The following CHN1 variants were observed in gnomAD, a reference collection of about 807,000 sequenced individuals.
CHN1 encodes the protein chimerin 1.
A neutral mutation model predicts 59.5 loss-of-function variants in CHN1; 37 were observed. The ratio of observed to expected loss-of-function variants is 0.62; its 90% CI spans 0.48 to 0.82. The LOEUF is 0.82. Ranked by LOEUF, CHN1 falls within the 40% of genes least tolerant of loss-of-function variation. CHN1 has a pLI of 0.00. For synonymous variants in CHN1, 206 were observed against 200.4 expected (o/e 1.03, Z -0.24); for missense variants, 469 against 571.0 (o/e 0.82, Z 1.82).
intron 5 of CHN1, among the ~76,000 whole-genome samples, chr2:174,896,995 G>A (rs1009743466): frequency 5.3e-5 from 8 of 152,076 alleles, no homozygotes; most frequent in East Asian, 1.9e-4. Context: ...ATGTGAAAGA[G>A]CACAGAGAGG....
At chr2:175,004,157 G>C (rs1234644719) in intron 1 of CHN1, among the ~76,000 whole-genome samples, 2 of 152,172 alleles carry the variant, frequency 1.3e-5, no homozygotes, top group Non-Finnish European at 2.9e-5. Flanking sequence ...TAAAAGGAAA[G>C]AATGTATCTT....
At chr2:174,832,962 T>G (rs1322552899) in intron 7 of CHN1, among the ~76,000 whole-genome samples, 1 of 152,110 alleles carries the variant, frequency 6.6e-6, no homozygotes, top group Non-Finnish European at 1.5e-5. Flanking sequence ...GGTATTATAC[T>G]CTTATGGGAC....
intron 3 of CHN1, among the ~76,000 whole-genome samples, chr2:174,930,954 G>C (rs1174488032): frequency 6.6e-6 from 1 of 151,984 alleles, no homozygotes; most frequent in African/African-American, 2.4e-5. Flanking sequence ...ATTTTCAGTA[G>C]AGACAGGGTT....
intron 1 of CHN1, among the ~76,000 whole-genome samples, chr2:174,988,591 G>A (rs1374230665): frequency 3.9e-5 from 6 of 152,132 alleles, no homozygotes; most frequent in Non-Finnish European, 7.4e-5. Context: ...CAATATGACA[G>A]ATAATATTCT....
chr2:174,986,532 A>T (rs768256236), intron 1 of CHN1, among the ~76,000 whole-genome samples: 1 of 152,182 alleles, frequency 6.6e-6, no homozygotes, highest in East Asian at 1.9e-4. Context: ...TAGACTTTAG[A>T]AATACAGCCG....
intron 1 of CHN1, among the ~76,000 whole-genome samples, chr2:175,003,944 C>T (rs879784689): frequency 1.3e-5 from 2 of 152,212 alleles, no homozygotes; most frequent in Admixed American, 6.5e-5. Context: ...GTATGTAACA[C>T]CTCTAACGTG....
intron 3 of CHN1, among the ~76,000 whole-genome samples, chr2:174,929,275 T>C (rs1288590801): frequency 1.3e-5 from 2 of 152,162 alleles, no homozygotes; most frequent in Non-Finnish European, 2.9e-5. Context: ...ACCCTATAAA[T>C]ACTACTTAAT....
intron 3 of CHN1, 84 bp downstream of exon 3, chr2:174,944,800 CACAA>C (rs1689777225): frequency 4.6e-6 from 4 of 873,406 alleles, no homozygotes; most frequent in Non-Finnish European, 7.2e-6. Flanking sequence ...TGGTTAATCT[CACAA>C]ACAACCAAGC....
intron 1 of CHN1, among the ~76,000 whole-genome samples, chr2:175,002,030 A>G (rs1290333705): frequency 6.6e-6 from 1 of 152,232 alleles, no homozygotes; most frequent in African/African-American, 2.4e-5. Context: ...TTAGTGAATT[A>G]GGTGCATTCG....
At chr2:174,848,923 T>C (rs965367614) in intron 6 of CHN1, among the ~76,000 whole-genome samples, 19 of 152,186 alleles carry the variant, frequency 1.2e-4, no homozygotes, top group Non-Finnish European at 2.6e-4. Flanking sequence ...AAATTGCTTT[T>C]CAGATTGGAC....
At chr2:174,924,784 G>C (rs995958090) in intron 3 of CHN1, among the ~76,000 whole-genome samples, 6 of 152,092 alleles carry the variant, frequency 3.9e-5, no homozygotes, top group Admixed American at 1.3e-4. Context: ...AGTGTTACAT[G>C]CTATAGGAAA....
chr2:174,992,578 G>C (rs1691576877), intron 1 of CHN1, among the ~76,000 whole-genome samples: 1 of 152,210 alleles, frequency 6.6e-6, no homozygotes, highest in South Asian at 2.1e-4. Context: ...ACTGGATACT[G>C]GCTCCTAATG....
chr2:174,948,186 T>C (rs1035629346), intron 2 of CHN1, among the ~76,000 whole-genome samples: 4 of 152,146 alleles, frequency 2.6e-5, no homozygotes, highest in African/African-American at 4.8e-5. Context: ...TACATTTGAG[T>C]AGGTTTTTAA....
intron 3 of CHN1, among the ~76,000 whole-genome samples, chr2:174,929,673 T>C (rs1351466516): frequency 6.6e-6 from 1 of 152,212 alleles, no homozygotes. Flanking sequence ...AAAATCAGAC[T>C]GCATTGGAAA....
chr2:174,962,100 C>G (rs1441724093), intron 1 of CHN1, among the ~76,000 whole-genome samples: 2 of 152,068 alleles, frequency 1.3e-5, no homozygotes, highest in Non-Finnish European at 2.9e-5. Context: ...GCCTGACCAA[C>G]ATGGTGAAAC....
chr2:174,904,120 G>T (rs191141037), intron 5 of CHN1, among the ~76,000 whole-genome samples: 6,260 of 151,716 alleles, frequency 0.041, 459 homozygotes, highest in African/African-American at 0.14. Context: ...AAAATTAGCT[G>T]GGCATGGTGG....
intron 3 of CHN1, among the ~76,000 whole-genome samples, chr2:174,939,553 C>T (rs1258086941): frequency 6.6e-6 from 1 of 152,098 alleles, no homozygotes; most frequent in African/African-American, 2.4e-5. Context: ...AATAATATAG[C>T]TATTTTTCAA....
intron 1 of CHN1, among the ~76,000 whole-genome samples, chr2:174,968,872 G>A (rs1046402343): frequency 2.0e-5 from 3 of 152,212 alleles, no homozygotes; most frequent in Non-Finnish European, 2.9e-5. Context: ...TGACCTGAAC[G>A]TCAAAGTAAT....
At position 174,843,190 on chromosome 2, in the gene CHN1, T is replaced by C. The variant is rs200422992; in HGVS notation, c.627+3690A>G. Among the ~76,000 whole-genome samples, 20 of 152,296 alleles carry C rather than the reference T, an allele frequency of 1.3e-4. No homozygotes were observed. In the East Asian group the frequency reaches 3.3e-3, roughly 25 times the overall value. Reference sequence around the variant, plus strand: ...AAAGAGTAAAATAAATATAGAGGATTTCACTGCATTCTGTAGTGCATGAAA... The same window carrying C: ...AAAGAGTAAAATAAATATAGAGGATCTCACTGCATTCTGTAGTGCATGAAA... On this transcript the variant is annotated intron_variant, in intron 7 of 12. Transcript: ENST00000409900.
Sources: gnomAD v4.1 joint callset for allele counts (sites outside exome capture counted in the v4.1 genomes callset) on GRCh38, gnomAD v4.1.1 for gene constraint, MANE v1.5 for transcripts, NCBI Gene and HGNC (gene_info 2026-07-23, HGNC 2026-07-21) for gene names.